Variants in IKZF3 observed in about 807,000 individuals in gnomAD.
The protein encoded by IKZF3 is IKAROS family zinc finger 3.
In IKZF3, 10 loss-of-function variants were observed where a neutral mutation model predicts 49.0. The observed-to-expected ratio is 0.20, with a 90% CI of 0.13 to 0.35. IKZF3 has a LOEUF of 0.35. IKZF3 is among the 10% of genes least tolerant of loss of function. The pLI is 1.00. For synonymous variants in IKZF3, 209 were observed against 228.2 expected, an observed-to-expected ratio of 0.92 and a Z score of 0.76; for missense variants, 498 against 664.8, an observed-to-expected ratio of 0.75 and a Z score of 2.76.
At chr17:39,852,886 G>A (rs975382967) in intron 1 of IKZF3, among the ~76,000 whole-genome samples, 2 of 152,054 alleles carry the variant, frequency 1.3e-5, no homozygotes, top group South Asian at 4.1e-4. Context: ...GAGGAGAATC[G>A]CTTGAACCCC....
At chr17:39,854,562 A>G (rs8079075) in intron 1 of IKZF3, among the ~76,000 whole-genome samples, 8,804 of 152,222 alleles carry the variant, frequency 0.058, 400 homozygotes, top group African/African-American at 0.12. Flanking sequence ...ACAGCAAAAA[A>G]TGTCACTACG....
At chr17:39,851,243 GGTCTTGAACTCCTGGGC>G (rs1302624229) in intron 1 of IKZF3, among the ~76,000 whole-genome samples, 2 of 151,644 alleles carry the variant, frequency 1.3e-5, no homozygotes, top group Non-Finnish European at 2.9e-5. Flanking sequence ...TGCTCAGGGT[GGTCTTGAACTCCTGGGC>G]TCAAGTGATC....
Position 39,813,439 on chromosome 17 carries a change from G to C in IKZF3, c.163+15948C>G, listed in dbSNP as rs140180483. Among the ~76,000 whole-genome samples, 174 of 151,956 alleles carry C rather than the reference G, an allele frequency of 1.1e-3. 1 individual carries two copies. The highest frequency in any genetic ancestry group is 3.9e-3 in the African/African-American group (161 of 41,436). ...GCAGGAGGATTGATTGAGTCCAAAA[G>C]TTTGAGACTAGCCTGGGCAACATAG... On this transcript the variant is annotated intron_variant, in intron 3 of 7. Transcript: ENST00000346872.
chr17:39,847,707 A>G (rs931309979), intron 1 of IKZF3, among the ~76,000 whole-genome samples: 1 of 152,186 alleles, frequency 6.6e-6, no homozygotes, highest in Admixed American at 6.5e-5. Context: ...TTTTCTCATA[A>G]CAATTCTGGA....
chr17:39,804,547 T>C (rs1435930345), intron 3 of IKZF3, among the ~76,000 whole-genome samples: 3 of 152,144 alleles, frequency 2.0e-5, no homozygotes, highest in Non-Finnish European at 4.4e-5. Flanking sequence ...GAAGAAGTAG[T>C]AGATCACAAT....
intron 4 of IKZF3, 26 bp downstream of exon 4, chr17:39,792,644 CAGA>C (rs754935463): frequency 6.3e-7 from 1 of 1,595,696 alleles, no homozygotes; most frequent in Non-Finnish European, 8.5e-7. Flanking sequence ...GGAGAGTTTT[CAGA>C]AGAATGAAAA....
intron 1 of IKZF3, among the ~76,000 whole-genome samples, chr17:39,843,849 C>G (rs1472728427): frequency 1.3e-5 from 2 of 150,848 alleles, no homozygotes; most frequent in African/African-American, 4.9e-5. Flanking sequence ...CATCTGTGAT[C>G]AGGTCACATG....
At chr17:39,861,760 G>T (rs565295962) in intron 1 of IKZF3, among the ~76,000 whole-genome samples, 4 of 152,166 alleles carry the variant, frequency 2.6e-5, no homozygotes, top group African/African-American at 9.6e-5. Context: ...AGGTATGTTT[G>T]GTGTAGGGGC....
intron 3 of IKZF3, among the ~76,000 whole-genome samples, chr17:39,827,188 G>A (rs1334514183): frequency 6.6e-6 from 1 of 151,512 alleles, no homozygotes; most frequent in East Asian, 1.9e-4. Context: ...AGTAGAGATG[G>A]GGTTTAACCA....
intron 1 of IKZF3, chr17:39,835,907 G>A: frequency 1.5e-6 from 1 of 654,736 alleles, no homozygotes; most frequent in South Asian, 1.4e-5. Context: ...GCCCCTGCAT[G>A]TTGCCAAGAT....
chr17:39,795,863 G>A (rs1357153708), intron 3 of IKZF3, among the ~76,000 whole-genome samples: 2 of 151,172 alleles, frequency 1.3e-5, no homozygotes, highest in Admixed American at 6.6e-5. Context: ...GACCAGCCTG[G>A]TCAACATAGC....
chr17:39,835,608 T>A (rs2062251272), intron 1 of IKZF3: 1 of 438,818 alleles, frequency 2.3e-6, no homozygotes, highest in Non-Finnish European at 4.5e-6. Flanking sequence ...CTTCTCATAC[T>A]GGGCCTCGAC....
chr17:39,824,881 G>A (rs764074841), intron 3 of IKZF3, among the ~76,000 whole-genome samples: 1 of 152,032 alleles, frequency 6.6e-6, no homozygotes, highest in African/African-American at 2.4e-5. Context: ...ATTTTCAGTA[G>A]AGACAGGTTT....
rs566171205 is a variant in IKZF3 at position 39,839,575 on chromosome 17, G to A, written c.8-7424C>T. ...CCACGATGGCGGAGAAAGGAAGAGA[G>A]GACTGTTTCTTTATTTTTATTTTTT... On this transcript the variant is annotated intron_variant, in intron 1 of 7. Coordinates refer to ENST00000346872, the MANE Select transcript of IKZF3 (RefSeq NM_012481.5). 5.3e-5 allele frequency: 26 copies of A among 486,436 alleles called. No individual in the cohort carries two copies. In the African/African-American group the frequency reaches 5.4e-4, roughly 10 times the overall value. The allele number at this position is 486,436 out of a possible 1,614,324, so 30.1% of individuals were successfully genotyped here. A position where few individuals can be genotyped will look rare whatever the true frequency, so the allele number is the denominator to read the frequency against.
chr17:39,778,377 ATC>A (rs910258356), intron 6 of IKZF3, among the ~76,000 whole-genome samples: 2 of 149,948 alleles, frequency 1.3e-5, no homozygotes, highest in African/African-American at 4.9e-5. Context: ...GCTCTGTATT[ATC>A]TGTTTCATAT....
intron 3 of IKZF3, among the ~76,000 whole-genome samples, chr17:39,820,910 G>A (rs2061794817): frequency 6.6e-6 from 1 of 152,168 alleles, no homozygotes; most frequent in Admixed American, 6.5e-5. Flanking sequence ...AAGATTCAGA[G>A]AGCTTCAGGA....
intron 3 of IKZF3, among the ~76,000 whole-genome samples, chr17:39,809,779 TA>T (rs2061509125): frequency 6.6e-6 from 1 of 152,196 alleles, no homozygotes; most frequent in African/African-American, 2.4e-5. Context: ...AAGCAAGGAA[TA>T]AAATTAAAAG....
At chr17:39,835,316 G>A (rs896830530) in intron 1 of IKZF3, 76 of 537,718 alleles carry the variant, frequency 1.4e-4, no homozygotes, top group East Asian at 4.4e-4. Context: ...GACGCGCCAC[G>A]TCCTGCTTGG....
chr17:39,831,109 C>T (rs537788082), intron 2 of IKZF3, among the ~76,000 whole-genome samples: 16 of 152,224 alleles, frequency 1.1e-4, no homozygotes, highest in Middle Eastern at 3.4e-3. Context: ...TGGCCGGGTG[C>T]GGTGGCTCAT....
Sources: gnomAD v4.1 joint callset for allele counts (sites outside exome capture counted in the v4.1 genomes callset) on GRCh38, gnomAD v4.1.1 for gene constraint, MANE v1.5 for transcripts, NCBI Gene and HGNC (gene_info 2026-07-23, HGNC 2026-07-21) for gene names.